The following F8 variants were observed in gnomAD, a reference collection of about 807,000 sequenced individuals.
The protein encoded by F8 is antihemophilic factor.
In F8, 12 loss-of-function variants were observed where a neutral mutation model predicts 140.6. The observed-to-expected ratio is 0.09, with a 90% CI of 0.05 to 0.14. F8 has a LOEUF of 0.14. Ranked by LOEUF, F8 falls within the 10% of genes least tolerant of loss-of-function variation. The probability of loss-of-function intolerance (pLI) is 1.00; values close to 1 mark genes in which losing one functional copy is unlikely to be tolerated. For synonymous variants in F8, 585 were observed against 614.6 expected, an observed-to-expected ratio of 0.95 and a Z score of 0.71; for missense variants, 1,354 against 1,720.7, an observed-to-expected ratio of 0.79 and a Z score of 3.77.
At chrX:154,912,466 C>T (rs184814357) in intron 14 of F8, among the ~76,000 whole-genome samples, 2 of 112,466 alleles carry the variant, frequency 1.8e-5, no homozygotes, top group Non-Finnish European at 3.8e-5. Flanking sequence ...ACTATTCTTT[C>T]ACCAATGCAT....
intron 21 of F8, among the ~76,000 whole-genome samples, chrX:154,897,032 T>C (rs1481026673): frequency 8.9e-6 from 1 of 112,236 alleles, no homozygotes; most frequent in Non-Finnish European, 1.9e-5. Flanking sequence ...GCCTGGCGCA[T>C]ACTAAACACT....
In F8 at chrX:154,941,247, C is replaced by T. The variant is rs782692171; in HGVS notation, c.2113+6451G>A. Among the ~76,000 whole-genome samples, 485 of 111,873 alleles carry T rather than the reference C, an allele frequency of 4.3e-3. 6 individuals carry two copies. The Middle Eastern group carries it at 0.046, about 11-fold the overall frequency. Reference sequence around the variant, plus strand: ...AATTGGATAAAGAGTCAAGACCCATCAGTGTGCTGTATTCAGGAAACCCAT... The same window carrying T: ...AATTGGATAAAGAGTCAAGACCCATTAGTGTGCTGTATTCAGGAAACCCAT... On this transcript the variant is annotated intron_variant, in intron 13 of 25. Coordinates refer to ENST00000360256, the MANE Select transcript of F8 (RefSeq NM_000132.4).
At chrX:154,837,974 C>T (rs2072488379) in intron 25 of F8, among the ~76,000 whole-genome samples, 1 of 111,630 alleles carries the variant, frequency 9.0e-6, no homozygotes, top group Non-Finnish European at 1.9e-5. Flanking sequence ...GTGTTCTCAC[C>T]CACTTCCCAA....
intron 1 of F8, among the ~76,000 whole-genome samples, chrX:155,015,946 T>G (rs975335999): frequency 8.9e-6 from 1 of 112,141 alleles, no homozygotes; most frequent in African/African-American, 3.2e-5. Context: ...GACACGCAAA[T>G]TAAAAGTATA....
At chrX:154,880,202 A>G (rs1378385419) in intron 22 of F8, among the ~76,000 whole-genome samples, 1 of 112,112 alleles carries the variant, frequency 8.9e-6, no homozygotes, top group African/African-American at 3.2e-5. Flanking sequence ...TATTCACACT[A>G]TCCAATCAGT....
chrX:154,942,693 AG>A (rs2124073711), intron 13 of F8, among the ~76,000 whole-genome samples: 1 of 110,730 alleles, frequency 9.0e-6, no homozygotes, highest in African/African-American at 3.3e-5. Flanking sequence ...CTGATACCAA[AG>A]CCGGGCAGAG....
intron 22 of F8, among the ~76,000 whole-genome samples, chrX:154,877,252 C>T (rs782281449): frequency 4.0e-4 from 45 of 111,549 alleles, no homozygotes; most frequent in African/African-American, 1.4e-3. Context: ...TTAAGTTTGC[C>T]AATTAGCTGA....
chrX:154,865,623 G>A (rs1461692090), intron 22 of F8, among the ~76,000 whole-genome samples: 1 of 109,634 alleles, frequency 9.1e-6, no homozygotes, highest in African/African-American at 3.3e-5. Context: ...TGTGATTGAA[G>A]GTGTTGTCAG....
chrX:154,998,470 T>A (rs1008824077), intron 2 of F8, among the ~76,000 whole-genome samples: 1 of 112,501 alleles, frequency 8.9e-6, no homozygotes, highest in East Asian at 2.8e-4. Context: ...GCATTAGTAC[T>A]CCCTAGTTGT....
chrX:154,847,227 C>T (rs1213637677), intron 25 of F8, among the ~76,000 whole-genome samples: 27 of 111,730 alleles, frequency 2.4e-4, no homozygotes, highest in Non-Finnish European at 1.3e-4. Flanking sequence ...TTTTTTCCTT[C>T]ATTTCAACTT....
At chrX:154,958,749 G>T (rs1372005010) in intron 10 of F8, among the ~76,000 whole-genome samples, 3 of 111,044 alleles carry the variant, frequency 2.7e-5, no homozygotes, top group Non-Finnish European at 5.7e-5. Context: ...GAGTAGCTGG[G>T]ATTACAGGCA....
intron 25 of F8, among the ~76,000 whole-genome samples, chrX:154,854,735 T>G (rs1354750724): frequency 8.9e-6 from 1 of 111,836 alleles, no homozygotes; most frequent in Non-Finnish European, 1.9e-5. Flanking sequence ...TATAAATTTG[T>G]TATTGGATTT....
At chrX:154,995,626 T>C (rs1294072987) in intron 3 of F8, among the ~76,000 whole-genome samples, 1 of 112,242 alleles carries the variant, frequency 8.9e-6, no homozygotes, top group African/African-American at 3.2e-5. Flanking sequence ...CACTGTTCAA[T>C]AGAAATATAA....
At chrX:154,853,247 A>G (rs1304992400) in intron 25 of F8, among the ~76,000 whole-genome samples, 1 of 111,464 alleles carries the variant, frequency 9.0e-6, no homozygotes, top group Admixed American at 9.6e-5. Flanking sequence ...TTGTTAGTAT[A>G]TAAAAATACA....
At chrX:154,991,081 T>C (rs972509711) in intron 4 of F8, among the ~76,000 whole-genome samples, 2 of 112,390 alleles carry the variant, frequency 1.8e-5, no homozygotes, top group Non-Finnish European at 3.8e-5. Flanking sequence ...TGAAGAATAA[T>C]GTTCCCCTCC....
chrX:154,944,912 C>A (rs929912529), intron 13 of F8, among the ~76,000 whole-genome samples: 1 of 110,221 alleles, frequency 9.1e-6, no homozygotes, highest in Non-Finnish European at 1.9e-5. Context: ...AGTAAACGAT[C>A]GCAAGAACAA....
At chrX:154,995,221 T>C (rs1229254715) in intron 3 of F8, among the ~76,000 whole-genome samples, 1 of 112,039 alleles carries the variant, frequency 8.9e-6, no homozygotes, top group Non-Finnish European at 1.9e-5. Context: ...AAGGCTCACG[T>C]TGTGGTGGGG....
At chrX:154,973,263 T>C (rs1468804617) in intron 6 of F8, among the ~76,000 whole-genome samples, 1 of 112,462 alleles carries the variant, frequency 8.9e-6, no homozygotes, top group Non-Finnish European at 1.9e-5. Context: ...AACTTTGTAG[T>C]ATAATTTGAA....
intron 2 of F8, among the ~76,000 whole-genome samples, chrX:154,997,682 A>T (rs1344920151): frequency 8.9e-6 from 1 of 112,396 alleles, no homozygotes; most frequent in Non-Finnish European, 1.9e-5. Flanking sequence ...GCTGAAGCAC[A>T]GTGAATCAGC....
Sources: gnomAD v4.1 joint callset for allele counts (sites outside exome capture counted in the v4.1 genomes callset) on GRCh38, gnomAD v4.1.1 for gene constraint, MANE v1.5 for transcripts, NCBI Gene and HGNC (gene_info 2026-07-23, HGNC 2026-07-21) for gene names.